The following ZNRF3 variants were observed in gnomAD, a reference collection of about 807,000 sequenced individuals.
The protein encoded by ZNRF3 is E3 ubiquitin-protein ligase ZNRF3.
ZNRF3 carries 23 observed loss-of-function variants against 72.5 expected under a neutral mutation model. The observed-to-expected ratio is 0.32, with a 90% confidence interval of 0.23 to 0.45. ZNRF3 has a LOEUF of 0.45. Among genes scored for constraint, ZNRF3 ranks in the 20% least tolerant of loss-of-function variants. The pLI, the probability that ZNRF3 is intolerant of heterozygous loss-of-function variation, is 1.00. For missense variants in ZNRF3, 1,169 were observed against 1,272.1 expected, an observed-to-expected ratio of 0.92 and a Z score of 1.23; for synonymous variants, 610 against 545.3, an observed-to-expected ratio of 1.12 and a Z score of -1.65.
rs1379935029 is a variant in ZNRF3 at position 29,055,724 on chromosome 22, T to C, written c.*2102T>C. 6.6e-6 allele frequency: 1 copy of C among 152,262 alleles called. No individual in the cohort carries two copies. Among genetic ancestry groups the C allele is most frequent in the Non-Finnish European group, 1.5e-5 (1 of 68,074 alleles). 9.4% of individuals were successfully genotyped at this position (152,262 alleles called of 1,614,324 possible). ...GACAGCAGCTTGCATTGCGTGGTTT[T>C]AGGGAAGCAGGGTCTGGCTTTTAAT... On this transcript the variant is annotated 3_prime_UTR_variant, in exon 9 of 9. Transcript: ENST00000544604.
Position 29,049,797 on chromosome 22 carries a change from G to A in ZNRF3, c.1616G>A (p.Cys539Tyr). The A allele has an allele frequency of 6.2e-7, 1 of 1,606,370 alleles. No homozygotes were observed. Among genetic ancestry groups the A allele is most frequent in the Non-Finnish European group, 8.5e-7 (1 of 1,176,324 alleles). The change falls in exon 8 of 9, where the codon TGC becomes TAC. Residue 539 changes from cysteine (C) to tyrosine (Y), a missense_variant. Physicochemically the swap from Cys to Tyr is radical, Grantham distance 194 (BLOSUM62 -2). This residue lies in a region of ZNRF3 where 783 missense variants were observed against 731.4 expected (regional missense o/e 1.07). Transcript: ENST00000544604. This position sits in a 1 kb window ranked among gnomAD's most constrained non-coding sequence, Gnocchi z 5.2. Reference sequence around the variant, plus strand: ...TGCTATCACGGCCACCGCTCGGTGTGCAGTGGCTACCTGGCCGACTGCCCA... The same window carrying A: ...TGCTATCACGGCCACCGCTCGGTGTACAGTGGCTACCTGGCCGACTGCCCA... ...FSCYHGHRSVCSGYLADCPGS... is the reference protein window; with the variant it reads ...FSCYHGHRSVYSGYLADCPGS...
intron 1 of ZNRF3, among the ~76,000 whole-genome samples, chr22:28,929,417 G>A (rs895177420): frequency 2.6e-5 from 4 of 152,136 alleles, no homozygotes; most frequent in Admixed American, 2.0e-4. Flanking sequence ...CCCACAGGAC[G>A]CCAGTAGCAA....
At position 28,913,833 on chromosome 22, in the gene ZNRF3, A is replaced by G. The variant is rs917135217; in HGVS notation, c.300+29767A>G. Among the ~76,000 whole-genome samples, 3 of 152,274 alleles carry G rather than the reference A, an allele frequency of 2.0e-5. No homozygotes were observed. In the East Asian group the frequency reaches 5.8e-4, roughly 29 times the overall value. On this transcript the variant is annotated intron_variant, in intron 1 of 8. Coordinates refer to ENST00000544604, the MANE Select transcript of ZNRF3 (RefSeq NM_001206998.2). The stretch of plus-strand genomic sequence containing the variant: ...CCTGTCTTGTAGGCAGGTGGGGGCC[A>G]CAGGAAGCAGGGGCAGCCTTTATTG...
chr22:28,953,864 A>G (rs1428602408), intron 1 of ZNRF3, among the ~76,000 whole-genome samples: 1 of 152,110 alleles, frequency 6.6e-6, no homozygotes, highest in Non-Finnish European at 1.5e-5. Context: ...GGGACCTGGG[A>G]CCTGTGGGCC....
intron 2 of ZNRF3, among the ~76,000 whole-genome samples, chr22:29,001,662 G>A (rs1185080842): frequency 3.9e-5 from 6 of 152,010 alleles, no homozygotes; most frequent in Non-Finnish European, 7.4e-5. Flanking sequence ...CAGTAGAGGC[G>A]GGGTTTCGCC....
At chr22:28,958,455 G>C (rs911336815) in intron 1 of ZNRF3, among the ~76,000 whole-genome samples, 1 of 139,868 alleles carries the variant, frequency 7.1e-6, no homozygotes, top group African/African-American at 2.5e-5. Flanking sequence ...GGTGGCGGGC[G>C]GTGTTAGAGT....
At chr22:28,913,326 G>A (rs530813235) in intron 1 of ZNRF3, among the ~76,000 whole-genome samples, 4 of 152,298 alleles carry the variant, frequency 2.6e-5, no homozygotes, top group South Asian at 4.1e-4. Flanking sequence ...GTTGAAGAGC[G>A]GTCTTTCACT....
At chr22:28,968,027 G>A (rs1258549780) in intron 1 of ZNRF3, among the ~76,000 whole-genome samples, 1 of 151,862 alleles carries the variant, frequency 6.6e-6, no homozygotes, top group Non-Finnish European at 1.5e-5. Context: ...CTTCTGGAAA[G>A]TTCACAGCCT....
intron 1 of ZNRF3, among the ~76,000 whole-genome samples, chr22:28,959,979 A>C (rs1282770335): frequency 6.6e-6 from 1 of 152,186 alleles, no homozygotes; most frequent in African/African-American, 2.4e-5. Flanking sequence ...CTGTTGTTTA[A>C]GCCTCCCAGT....
intron 1 of ZNRF3, among the ~76,000 whole-genome samples, chr22:28,967,474 T>A (rs2035490509): frequency 6.6e-6 from 1 of 152,226 alleles, no homozygotes; most frequent in South Asian, 2.1e-4. Flanking sequence ...GATTAAGGCT[T>A]TCAGTGAAGT....
rs1484736123 is a variant in ZNRF3, at chr22:29,030,680, A to G, written c.427-11815A>G. Among the ~76,000 whole-genome samples, 1 of 151,558 alleles carries G rather than the reference A, an allele frequency of 6.6e-6. No homozygotes were observed. The highest frequency in any genetic ancestry group is 1.5e-5 in the Non-Finnish European group (1 of 67,880). On this transcript the variant is annotated intron_variant, in intron 2 of 8. Coordinates refer to ENST00000544604, the MANE Select transcript of ZNRF3 (RefSeq NM_001206998.2). The surrounding 1 kb of genome is among the most constrained non-coding windows in gnomAD (Gnocchi z 4.2). Reference sequence around the variant, plus strand: ...GAAGGCCGGATGGCAGCCCGCCCCGAAAGTCCCGGCCCGCTGGATTGGGGG... The same window carrying G: ...GAAGGCCGGATGGCAGCCCGCCCCGGAAGTCCCGGCCCGCTGGATTGGGGG...
intron 2 of ZNRF3, among the ~76,000 whole-genome samples, chr22:29,035,945 G>A (rs1280626484): frequency 6.6e-6 from 1 of 151,978 alleles, no homozygotes. Flanking sequence ...GGGCTCGAGC[G>A]ATCCTCCCTC....
At chr22:29,024,074 A>G (rs1332886276) in intron 2 of ZNRF3, among the ~76,000 whole-genome samples, 1 of 152,122 alleles carries the variant, frequency 6.6e-6, no homozygotes, top group Non-Finnish European at 1.5e-5. Flanking sequence ...GCTCTGGGTA[A>G]TTGATAGAGA....
At chr22:28,998,491 C>T (rs575799765) in intron 2 of ZNRF3, among the ~76,000 whole-genome samples, 1 of 152,234 alleles carries the variant, frequency 6.6e-6, no homozygotes, top group East Asian at 1.9e-4. Context: ...CTATCTCCTA[C>T]ATTTGATTAA....
chr22:29,049,114 C>A lies in ZNRF3; in HGVS notation c.1016-83C>A. Reference sequence around the variant, plus strand: ...AGGTGACCAAGCCTGCTGCTTCAGCCTTTGCCCGTTTTAAAAATCCCTTTA... The same window carrying A: ...AGGTGACCAAGCCTGCTGCTTCAGCATTTGCCCGTTTTAAAAATCCCTTTA... On this transcript the variant is annotated intron_variant, in intron 7 of 8. Transcript: ENST00000544604. The surrounding 1 kb of genome is among the most constrained non-coding windows in gnomAD (Gnocchi z 5.2). 1 of 1,449,664 alleles carries A rather than the reference C, an allele frequency of 6.9e-7. No homozygotes were observed. Among genetic ancestry groups the A allele is most frequent in the Non-Finnish European group, 9.3e-7 (1 of 1,073,370 alleles). 89.8% of individuals were successfully genotyped at this position (1,449,664 alleles called of 1,614,324 possible).
intron 1 of ZNRF3, among the ~76,000 whole-genome samples, chr22:28,953,789 G>A (rs1401852715): frequency 1.3e-5 from 2 of 152,308 alleles, no homozygotes; most frequent in East Asian, 3.9e-4. Context: ...GTTGGATATT[G>A]GCAGTTTCCC....
chr22:28,915,373 G>C (rs1452193539), intron 1 of ZNRF3, among the ~76,000 whole-genome samples: 1 of 152,138 alleles, frequency 6.6e-6, no homozygotes, highest in African/African-American at 2.4e-5. Flanking sequence ...TATATGACCT[G>C]CTTTAACTTG....
Position 29,048,150 on chromosome 22 carries a change from C to A in ZNRF3, c.913-239C>A, listed in dbSNP as rs752127362. ...TACGGGAAAGACGCCTGCCTCTGTG[C>A]GTGCCCACTCCCTTAACACTGAGGA... On this transcript the variant is annotated intron_variant, in intron 6 of 8. Transcript: ENST00000544604. This position sits in a 1 kb window ranked among gnomAD's most constrained non-coding sequence, Gnocchi z 4.9. 6.6e-6 allele frequency among the ~76,000 whole-genome samples: 1 copy of A among 152,176 alleles called. No individual in the cohort carries two copies. The highest frequency in any genetic ancestry group is 1.9e-4 in the East Asian group (1 of 5,192).
At position 29,030,455 on chromosome 22, in the gene ZNRF3, T is replaced by A. The variant is rs1370601832; in HGVS notation, c.427-12040T>A. Among the ~76,000 whole-genome samples, 2 of 152,240 alleles carry A rather than the reference T, an allele frequency of 1.3e-5. No homozygotes were observed. Among genetic ancestry groups the A allele is most frequent in the Non-Finnish European group, 2.9e-5 (2 of 68,046 alleles). ...CTTAACCACTAACTTAACCGCTGAA[T>A]TCTCGCTGCTACATGTCTCCTAAAT... On this transcript the variant is annotated intron_variant, in intron 2 of 8. Coordinates refer to ENST00000544604, the MANE Select transcript of ZNRF3 (RefSeq NM_001206998.2). This position sits in a 1 kb window ranked among gnomAD's most constrained non-coding sequence, Gnocchi z 4.2.
Sources: allele counts gnomAD v4.1 joint callset (sites outside exome capture counted in the v4.1 genomes callset), GRCh38; gene constraint gnomAD v4.1.1; regional missense constraint gnomAD v4.1.1; non-coding constraint Gnocchi (gnomAD v3.1); transcripts MANE v1.5; gene names NCBI Gene and HGNC (gene_info 2026-07-23, HGNC 2026-07-21).